DEAF1: variants seen among roughly 807,000 people sequenced by gnomAD.
The protein encoded by DEAF1 is DEAF1 transcription factor, also known as deformed epidermal autoregulatory factor 1 homolog.
In DEAF1, 53 loss-of-function variants were observed where a neutral mutation model predicts 58.9. That is an observed-to-expected ratio of 0.90 (90% CI 0.72 to 1.13). The LOEUF is 1.13. Among genes scored for constraint, DEAF1 ranks in the 50% most tolerant of loss-of-function variants. The pLI is 0.00. For synonymous variants in DEAF1, 385 were observed against 340.4 expected (o/e 1.13, Z -1.44); for missense variants, 685 against 791.4 (o/e 0.87, Z 1.61).
intron 10 of DEAF1, among the ~76,000 whole-genome samples, chr11:668,703 T>C (rs1859666133): frequency 6.6e-6 from 1 of 152,108 alleles, no homozygotes. Flanking sequence ...ATGCCCATAG[T>C]CCCAGCTACT....
At chr11:691,688 T>C in intron 1 of DEAF1, 90 bp from the exon 2 acceptor site, 1 of 1,103,148 alleles carries the variant, frequency 9.1e-7, no homozygotes, top group Non-Finnish European at 1.3e-6. Flanking sequence ...ACAAAGTGAC[T>C]CCCCCTCAGG....
upstream of DEAF1, chr11:695,643 T>A: frequency 2.4e-6 from 3 of 1,244,896 alleles, no homozygotes; most frequent in Non-Finnish European, 2.0e-6. Context: ...CCTCTTCCCT[T>A]CCGAAAGTGC....
Position 688,591 on chromosome 11 carries a change from C to T in DEAF1, c.388-131G>A. On this transcript the variant is annotated intron_variant, in intron 2 of 11. Coordinates refer to ENST00000382409, the MANE Select transcript of DEAF1 (RefSeq NM_021008.4). The surrounding 1 kb of genome is among the most constrained non-coding windows in gnomAD (Gnocchi z 4.3). ...CAAGAAGGGACGCTCACCTAGGCACCCCATATCTTTTCCAAAGATACCTCT... is the reference window on the plus strand; with the variant it reads ...CAAGAAGGGACGCTCACCTAGGCACTCCATATCTTTTCCAAAGATACCTCT... 9.3e-7 allele frequency: 1 copy of T among 1,070,792 alleles called. No individual in the cohort carries two copies. Among genetic ancestry groups the T allele is most frequent in the South Asian group, 1.3e-5 (1 of 77,106 alleles). 66.3% of individuals were successfully genotyped at this position (1,070,792 alleles called of 1,614,324 possible).
At chr11:701,901 T>C (rs1004134267) in intron 1 of DEAF1, among the ~76,000 whole-genome samples, 1 of 152,192 alleles carries the variant, frequency 6.6e-6, no homozygotes, top group African/African-American at 2.4e-5. Context: ...TCCCCAGAGC[T>C]CACCTCTGTG....
intron 10 of DEAF1, among the ~76,000 whole-genome samples, chr11:655,432 C>CA (rs1190813957): frequency 6.6e-6 from 1 of 152,250 alleles, no homozygotes; most frequent in Non-Finnish European, 1.5e-5. Context: ...AGGTGCTTGA[C>CA]AGTTGTGAGC....
At position 700,364 on chromosome 11, in the gene DEAF1, T is replaced by C. The variant is rs927392552; in HGVS notation, c.-438+6208A>G. ...CAACATGGGGAAACCCCATCTCTAC[T>C]AAAAACACAAAAAGTAGCCGGGCGT... On this transcript the variant is annotated intron_variant, in intron 1 of 11. Coordinates refer to the DEAF1 transcript ENST00000683307. 27 of 886,166 alleles carry C rather than the reference T, an allele frequency of 3.0e-5. No individual in the cohort carries two copies. In the East Asian group the frequency reaches 5.9e-4, roughly 19 times the overall value. 54.9% of individuals were successfully genotyped at this position (886,166 alleles called of 1,614,324 possible). A position where few individuals can be genotyped will look rare whatever the true frequency, so the allele number is the denominator to read the frequency against.
chr11:697,344 T>C (rs1861245063), upstream of DEAF1: 1 of 152,244 alleles, frequency 6.6e-6, no homozygotes, highest in Non-Finnish European at 1.5e-5. Flanking sequence ...CACTTCCATG[T>C]TTAACTTCTG....
intron 10 of DEAF1, among the ~76,000 whole-genome samples, chr11:670,653 T>C (rs1006715239): frequency 1.3e-5 from 2 of 150,824 alleles, no homozygotes; most frequent in African/African-American, 2.4e-5. Context: ...AGATGGAGGC[T>C]GCAGTGAGCC....
intron 11 of DEAF1, chr11:651,232 T>A (rs1858756204): frequency 6.1e-6 from 1 of 164,818 alleles, no homozygotes; most frequent in African/African-American, 2.4e-5. Flanking sequence ...AGTGCTGGGA[T>A]GACAGGCGTG....
intron 10 of DEAF1, chr11:674,260 G>C: frequency 2.2e-6 from 1 of 459,210 alleles, no homozygotes; most frequent in Non-Finnish European, 4.0e-6. Context: ...CCTAGAAAAG[G>C]TGAGTATTCA....
At chr11:649,258 C>CACA (rs752958182) in intron 11 of DEAF1, among the ~76,000 whole-genome samples, 33 of 150,776 alleles carry the variant, frequency 2.2e-4, no homozygotes, top group Non-Finnish European at 3.4e-4. Context: ...CACACACACA[C>CACA]ACAACAACAA....
chr11:700,773 C>T, intron 1 of DEAF1: 5 of 1,401,552 alleles, frequency 3.6e-6, no homozygotes, highest in Non-Finnish European at 5.1e-6. Flanking sequence ...CACAGCCTTT[C>T]AAGAGTAATT....
chr11:670,586 A>G (rs1046416761), intron 10 of DEAF1, among the ~76,000 whole-genome samples: 1 of 151,518 alleles, frequency 6.6e-6, no homozygotes, highest in African/African-American at 2.4e-5. Context: ...GTGGTTGCAC[A>G]TACCTGTAAT....
At chr11:664,288 A>G (rs1473653537) in intron 10 of DEAF1, among the ~76,000 whole-genome samples, 3 of 151,842 alleles carry the variant, frequency 2.0e-5, no homozygotes, top group African/African-American at 7.2e-5. Context: ...AAAAAAAAGG[A>G]AAATGAAACC....
chr11:694,177 G>A (rs914722166), intron 1 of DEAF1, among the ~76,000 whole-genome samples: 1 of 151,992 alleles, frequency 6.6e-6, no homozygotes, highest in Non-Finnish European at 1.5e-5. Flanking sequence ...GGGCAGAGCT[G>A]CACAGGGGGG....
intron 10 of DEAF1, among the ~76,000 whole-genome samples, chr11:667,135 G>A (rs1053339592): frequency 8.6e-5 from 13 of 151,930 alleles, no homozygotes; most frequent in South Asian, 2.1e-4. Flanking sequence ...AGGAGTTTGC[G>A]GCCAGCCTGG....
chr11:705,287 C>G (rs61876704), intron 1 of DEAF1: 4 of 158,426 alleles, frequency 2.5e-5, no homozygotes, highest in African/African-American at 4.8e-5. Flanking sequence ...GCCCTGTGCC[C>G]CTTCACCTCG....
chr11:668,928 C>T (rs1008853342), intron 10 of DEAF1, among the ~76,000 whole-genome samples: 3 of 152,142 alleles, frequency 2.0e-5, no homozygotes, highest in African/African-American at 4.8e-5. Flanking sequence ...TGGATTCATG[C>T]CATTCTCCTG....
chr11:650,200 C>A (rs2133277472), intron 11 of DEAF1, among the ~76,000 whole-genome samples: 1 of 151,182 alleles, frequency 6.6e-6, no homozygotes, highest in Admixed American at 6.6e-5. Flanking sequence ...CATGGTGAAA[C>A]CCGTCTCTAT....
Sources: allele counts gnomAD v4.1 joint callset (sites outside exome capture counted in the v4.1 genomes callset), GRCh38; gene constraint gnomAD v4.1.1; non-coding constraint Gnocchi (gnomAD v3.1); transcripts MANE v1.5; gene names NCBI Gene and HGNC (gene_info 2026-07-23, HGNC 2026-07-21).